NOX4: variants seen among roughly 807,000 people sequenced by gnomAD.
NOX4 encodes kidney oxidase-1.
Under a neutral mutation model 87.6 loss-of-function variants are expected in NOX4, and 69 were observed. That is an observed-to-expected ratio of 0.79 (90% confidence interval 0.65 to 0.96). The LOEUF (loss-of-function observed/expected upper bound fraction) is 0.96. Among genes scored for constraint, NOX4 ranks in the 40% least tolerant of loss-of-function variants. NOX4 has a pLI of 0.00. For missense variants in NOX4, 680 were observed against 681.5 expected (o/e 1.00, Z 0.02); for synonymous variants, 275 against 238.2 (o/e 1.15, Z -1.42).
intron 7 of NOX4, among the ~76,000 whole-genome samples, chr11:89,432,504 C>T (rs914096461): frequency 6.6e-6 from 1 of 152,054 alleles, no homozygotes; most frequent in Non-Finnish European, 1.5e-5. Flanking sequence ...CATAGAGATA[C>T]ACTATCCTTC....
At chr11:89,588,764 A>G in the NOX4 span, among the ~76,000 whole-genome samples, 1 of 152,148 alleles carries the variant, frequency 6.6e-6, no homozygotes. Context: ...TATTTTTACA[A>G]CAGTCTGAAT....
At chr11:89,488,793 A>G in intron 2 of NOX4, 1 of 505,618 alleles carries the variant, frequency 2.0e-6, no homozygotes, top group Non-Finnish European at 3.5e-6. Flanking sequence ...TCATTAAGTT[A>G]CACCTAATGG....
chr11:89,347,186 A>G (rs1946250782), intron 13 of NOX4, among the ~76,000 whole-genome samples: 1 of 152,206 alleles, frequency 6.6e-6, no homozygotes. Context: ...AATAACCACT[A>G]CCACAAATAT....
At chr11:89,362,992 C>T (rs1276600242) in intron 12 of NOX4, among the ~76,000 whole-genome samples, 1 of 152,040 alleles carries the variant, frequency 6.6e-6, no homozygotes, top group East Asian at 1.9e-4. Flanking sequence ...TCTTCATGGG[C>T]TAAAGGTCTA....
At chr11:89,409,820 AG>A (rs1361011760) in intron 8 of NOX4, among the ~76,000 whole-genome samples, 1 of 152,166 alleles carries the variant, frequency 6.6e-6, no homozygotes, top group African/African-American at 2.4e-5. Context: ...AATATTATGG[AG>A]GAGAAGAATT....
the NOX4 span, among the ~76,000 whole-genome samples, chr11:89,524,642 C>A: frequency 6.6e-6 from 1 of 151,868 alleles, no homozygotes; most frequent in Non-Finnish European, 1.5e-5. Context: ...ATGCAACCAC[C>A]ATTACAAGGA....
intron 13 of NOX4, among the ~76,000 whole-genome samples, chr11:89,349,431 G>C (rs1418835884): frequency 1.3e-5 from 2 of 152,150 alleles, no homozygotes; most frequent in Non-Finnish European, 2.9e-5. Context: ...AACTTGGCTA[G>C]GAAAGAGAAA....
the NOX4 span, among the ~76,000 whole-genome samples, chr11:89,527,222 T>C: frequency 6.6e-6 from 1 of 152,182 alleles, no homozygotes; most frequent in African/African-American, 2.4e-5. Context: ...ATTTGGGTGC[T>C]CTTACAAGCA....
At chr11:89,377,013 G>A (rs1193946128) in intron 11 of NOX4, among the ~76,000 whole-genome samples, 5 of 152,052 alleles carry the variant, frequency 3.3e-5, no homozygotes, top group East Asian at 3.9e-4. Flanking sequence ...AGCTGAGATC[G>A]CACCACTGCA....
At chr11:89,334,252 G>A (rs1340749669) in intron 17 of NOX4, among the ~76,000 whole-genome samples, 2 of 151,648 alleles carry the variant, frequency 1.3e-5, no homozygotes, top group Non-Finnish European at 3.0e-5. Context: ...CATCTAAGAT[G>A]GGTGATACTG....
At chr11:89,447,446 G>A (rs916263440) in intron 4 of NOX4, among the ~76,000 whole-genome samples, 9 of 152,076 alleles carry the variant, frequency 5.9e-5, no homozygotes, top group African/African-American at 2.2e-4. Flanking sequence ...AGAATTCAGG[G>A]CTTCTAATTT....
intron 2 of NOX4, among the ~76,000 whole-genome samples, chr11:89,462,368 G>A (rs897215959): frequency 3.3e-5 from 5 of 152,068 alleles, no homozygotes; most frequent in Admixed American, 6.5e-5. Flanking sequence ...TTGACAAGCC[G>A]ACTTTCAAAT....
chr11:89,486,622 G>A (rs990320826), intron 2 of NOX4, among the ~76,000 whole-genome samples: 2 of 130,008 alleles, frequency 1.5e-5, no homozygotes, highest in Non-Finnish European at 3.3e-5. Flanking sequence ...GTGTATATAT[G>A]TGTATATATA....
intron 11 of NOX4, among the ~76,000 whole-genome samples, chr11:89,393,789 G>T (rs1311704645): frequency 6.6e-6 from 1 of 152,158 alleles, no homozygotes; most frequent in Admixed American, 6.6e-5. Context: ...CCTTAGCAAG[G>T]TTGAGAGATA....
At chr11:89,581,956 T>C in the NOX4 span, among the ~76,000 whole-genome samples, 2 of 152,156 alleles carry the variant, frequency 1.3e-5, no homozygotes, top group African/African-American at 4.8e-5. Context: ...CACTGTACAG[T>C]AGATATCCAA....
At chr11:89,407,809 C>T (rs1942268646) in intron 8 of NOX4, among the ~76,000 whole-genome samples, 1 of 150,420 alleles carries the variant, frequency 6.6e-6, no homozygotes, top group Non-Finnish European at 1.5e-5. Context: ...AATACCACAC[C>T]TGACAAAAGG....
chr11:89,349,853 C>A (rs12289498), intron 13 of NOX4, among the ~76,000 whole-genome samples: 11,994 of 152,058 alleles, frequency 0.079, 1,004 homozygotes, highest in African/African-American at 0.2. Context: ...TAAAATTATA[C>A]CAGATGTACT....
chr11:89,370,110 G>A (rs513372), intron 12 of NOX4, among the ~76,000 whole-genome samples: 1 of 151,892 alleles, frequency 6.6e-6, no homozygotes, highest in Non-Finnish European at 1.5e-5. Flanking sequence ...TGCACTGTGA[G>A]AAGTCAATAT....
the NOX4 span, among the ~76,000 whole-genome samples, chr11:89,526,611 C>T: frequency 5.3e-5 from 8 of 152,106 alleles, no homozygotes; most frequent in East Asian, 7.7e-4. Flanking sequence ...ATGCTGTTCT[C>T]ATGATAGTGG....
Sources: gnomAD v4.1 joint callset for allele counts (sites outside exome capture counted in the v4.1 genomes callset) on GRCh38, gnomAD v4.1.1 for gene constraint, MANE v1.5 for transcripts, NCBI Gene and HGNC (gene_info 2026-07-23, HGNC 2026-07-21) for gene names.